RUFY4: variants seen among roughly 807,000 people sequenced by gnomAD.
The protein encoded by RUFY4 is RUN and FYVE domain-containing protein 4.
RUFY4 carries 73 observed loss-of-function variants against 69.0 expected under a neutral mutation model. The observed-to-expected ratio is 1.06, with a 90% CI of 0.88 to 1.29. The LOEUF (loss-of-function observed/expected upper bound fraction) is 1.29. Ranked by LOEUF, RUFY4 falls within the 50% of genes most tolerant of loss-of-function variation. RUFY4 has a pLI of 0.00. For missense variants in RUFY4, 770 were observed against 705.6 expected, an observed-to-expected ratio of 1.09 and a Z score of -1.03; for synonymous variants, 287 against 271.8, an observed-to-expected ratio of 1.06 and a Z score of -0.55.
Position 218,072,546 on chromosome 2 carries a change from A to G in RUFY4, c.279+47A>G, listed in dbSNP as rs150878443. ...GAAGGCTGACGGGGTGGGGGTAGAC[A>G]TAGGCCTCCTCCTTTTCCCCCACCC... On this transcript the variant is annotated intron_variant, in intron 3 of 10. Coordinates refer to ENST00000344321, the Ensembl canonical transcript of RUFY4. 2.4e-5 allele frequency: 36 copies of G among 1,530,816 alleles called. No homozygotes were observed. The African/African-American group carries it at 4.1e-4, about 17-fold the overall frequency. The allele number at this position is 1,530,816 out of a possible 1,614,324, so 94.8% of individuals were successfully genotyped here.
intron 2 of RUFY4, among the ~76,000 whole-genome samples, chr2:218,041,791 G>A (rs1056695007): frequency 2.0e-5 from 3 of 152,204 alleles, no homozygotes; most frequent in Admixed American, 1.3e-4. Flanking sequence ...TAATTTGTAA[G>A]TCCTGCCTGG....
chr2:218,089,974 C>T (rs200265451), exon 11 of RUFY4: 1,219 of 1,565,474 alleles, frequency 7.8e-4, no homozygotes, highest in Non-Finnish European at 9.5e-4. Context: ...CCTGCTCTGC[C>T]ATGCTTGCTC....
chr2:218,061,656 T>G (rs1202591533), intron 3 of RUFY4, among the ~76,000 whole-genome samples: 1 of 152,244 alleles, frequency 6.6e-6, no homozygotes, highest in African/African-American at 2.4e-5. Flanking sequence ...TTCCCTTCCA[T>G]GCTGGACACA....
At chr2:218,043,299 C>T (rs762803648) in intron 2 of RUFY4, among the ~76,000 whole-genome samples, 1 of 151,816 alleles carries the variant, frequency 6.6e-6, no homozygotes, top group Non-Finnish European at 1.5e-5. Flanking sequence ...TCTCAGCAGT[C>T]AGGAGGCCCT....
At chr2:218,053,307 G>T (rs546966415) in intron 2 of RUFY4, among the ~76,000 whole-genome samples, 23 of 150,618 alleles carry the variant, frequency 1.5e-4, no homozygotes, top group Non-Finnish European at 8.9e-5. Context: ...ATGTTTAATT[G>T]TATGAAAAGC....
At chr2:218,085,805 G>T (rs1689879803) in intron 9 of RUFY4, among the ~76,000 whole-genome samples, 1 of 152,304 alleles carries the variant, frequency 6.6e-6, no homozygotes, top group African/African-American at 2.4e-5. Flanking sequence ...CCTGGCATTT[G>T]GGTGTCTGGT....
chr2:218,060,347 T>A, intron 3 of RUFY4: 1 of 1,535,062 alleles, frequency 6.5e-7, no homozygotes. Context: ...TCTTAGAGAG[T>A]AGTGGAAGTG....
exon 7 of RUFY4, chr2:218,075,457 T>C: frequency 6.2e-7 from 1 of 1,609,158 alleles, no homozygotes; most frequent in Non-Finnish European, 8.5e-7. Context: ...GTTCTGCTGG[T>C]TGCAGAGGGT....
intron 2 of RUFY4, among the ~76,000 whole-genome samples, chr2:218,043,088 T>C (rs528366839): frequency 6.7e-6 from 1 of 150,032 alleles, no homozygotes; most frequent in Admixed American, 6.6e-5. Flanking sequence ...GTTTATTGCA[T>C]GTTAGAACAG....
chr2:218,082,316 C>T (rs530800033), intron 8 of RUFY4, among the ~76,000 whole-genome samples: 2 of 152,294 alleles, frequency 1.3e-5, no homozygotes, highest in Admixed American at 1.3e-4. Context: ...TTCACTGCTC[C>T]CCTTCCACAC....
rs1689938509 is a variant in RUFY4, at chr2:218,088,230, A to C, written c.1503-1022A>C. ...GAGTGAAGGTGGGGAATGGTGGTTC[A>C]TGCCTGTAATCCCTGCACTTTGGGA... On this transcript the variant is annotated intron_variant, in intron 9 of 10. Coordinates refer to ENST00000344321, the Ensembl canonical transcript of RUFY4. Among the ~76,000 whole-genome samples the C allele has an allele frequency of 2.6e-5, 4 of 152,154 alleles. No homozygotes were observed. The South Asian group carries it at 8.3e-4, about 32-fold the overall frequency.
upstream of RUFY4, among the ~76,000 whole-genome samples, chr2:218,068,206 G>GGAGGAGGGCAGGGAA (rs1689393798): frequency 1.9e-4 from 16 of 85,322 alleles, no homozygotes; most frequent in African/African-American, 5.6e-4. Flanking sequence ...AGGGCAGGGG[G>GGAGGAGGGCAGGGAA]CTGGAGGATG....
chr2:218,087,764 G>C (rs1689927747), intron 9 of RUFY4, among the ~76,000 whole-genome samples: 1 of 152,132 alleles, frequency 6.6e-6, no homozygotes, highest in Admixed American at 6.5e-5. Context: ...AGGAGGCAGA[G>C]GTTGCAGTTA....
At chr2:218,073,526 T>C in intron 5 of RUFY4, 140 bp downstream of exon 7, 1 of 1,203,022 alleles carries the variant, frequency 8.3e-7, no homozygotes, top group South Asian at 1.5e-5. Flanking sequence ...TGGATTCTTC[T>C]AGCCCTCGAT....
intron 8 of RUFY4, among the ~76,000 whole-genome samples, chr2:218,081,578 G>C (rs1422925481): frequency 1.3e-5 from 2 of 152,174 alleles, no homozygotes; most frequent in Non-Finnish European, 2.9e-5. Context: ...GCACACAGTA[G>C]GTGCTAAGTA....
intron 2 of RUFY4, among the ~76,000 whole-genome samples, chr2:218,049,629 C>T (rs1344236092): frequency 1.3e-5 from 2 of 152,074 alleles, no homozygotes; most frequent in Non-Finnish European, 1.5e-5. Context: ...GCCTCAGCCT[C>T]CCAAGTAGCT....
rs2106051344 is a variant in RUFY4, at chr2:218,073,009, A to C, written c.386+124A>C. On this transcript the variant is annotated intron_variant, in intron 4 of 10. Transcript: ENST00000344321. The stretch of plus-strand genomic sequence containing the variant: ...AAGGACAGTTACAATGAGAGTCATG[A>C]AGGAAAAATCAAGGGAGAAAGGGCA... The C allele has an allele frequency of 3.0e-6, 3 of 985,192 alleles. No homozygotes were observed. In the East Asian group the frequency reaches 7.9e-5, roughly 26 times the overall value. The allele number at this position is 985,192 out of a possible 1,614,324, so 61.0% of individuals were successfully genotyped here. A position where few individuals can be genotyped will look rare whatever the true frequency, so the allele number is the denominator to read the frequency against.
At chr2:218,089,645 G>A in intron 10 of RUFY4, 1 of 701,960 alleles carries the variant, frequency 1.4e-6, no homozygotes. Context: ...GGGAGCATCT[G>A]TACAGCGTAA....
exon 5 of RUFY4, chr2:218,073,309 C>T: frequency 6.4e-7 from 1 of 1,564,458 alleles, no homozygotes. Context: ...TGGACTCTCT[C>T]TATGCTCTCA....
Sources: gnomAD v4.1 joint callset for allele counts (sites outside exome capture counted in the v4.1 genomes callset) on GRCh38, gnomAD v4.1.1 for gene constraint, MANE v1.5 for transcripts, NCBI Gene and HGNC (gene_info 2026-07-23, HGNC 2026-07-21) for gene names.